The following NBAS variants were observed in gnomAD, a reference collection of about 807,000 sequenced individuals.
The protein encoded by NBAS is NBAS subunit of NRZ tethering complex, also known as NAG/BC035112 fusion.
NBAS carries 219 observed loss-of-function variants against 302.5 expected under a neutral mutation model. The ratio of observed to expected loss-of-function variants is 0.72; its 90% CI spans 0.65 to 0.81. The LOEUF (loss-of-function observed/expected upper bound fraction) is 0.81. Ranked by LOEUF, NBAS falls within the 30% of genes least tolerant of loss-of-function variation. NBAS has a pLI of 0.00. For missense variants in NBAS, 2,932 were observed against 2,841.6 expected (o/e 1.03, Z -0.72); for synonymous variants, 1,118 against 1,021.6 (o/e 1.09, Z -1.80).
chr2:14,819,915 C>T, the NBAS span, among the ~76,000 whole-genome samples: 1 of 152,180 alleles, frequency 6.6e-6, no homozygotes, highest in African/African-American at 2.4e-5. Flanking sequence ...TGAAAAGGTC[C>T]TCAACATCAT....
At position 15,396,424 on chromosome 2, in the gene NBAS, T is replaced by C; in HGVS notation, c.3123A>G (p.Glu1041=). 1 of 1,607,104 alleles carries C rather than the reference T, an allele frequency of 6.2e-7. No homozygotes were observed. The highest frequency in any genetic ancestry group is 8.5e-7 in the Non-Finnish European group (1 of 1,176,996). Residue 1041 remains glutamate (E), a synonymous_variant, in exon 27 of 52, where the codon GAA becomes GAG. Coordinates refer to ENST00000281513, the MANE Select transcript of NBAS (RefSeq NM_015909.4). ...TKLHDMVDQL[E]QILSVSELLE... ...GTCATTTTTCTCACCTGAGAATTTG[T>C]TCCAGTTGGTCTACCATGTCATGAA...
the NBAS span, among the ~76,000 whole-genome samples, chr2:15,008,243 G>A: frequency 6.6e-6 from 1 of 152,200 alleles, no homozygotes; most frequent in Non-Finnish European, 1.5e-5. Context: ...TACTCCCTGG[G>A]TTCCTTAGTC....
chr2:15,098,336 A>G, the NBAS span, among the ~76,000 whole-genome samples: 18 of 39,284 alleles, frequency 4.6e-4, 2 homozygotes, highest in South Asian at 2.5e-3. Flanking sequence ...GATATATTGT[A>G]TATAATATAT....
chr2:14,925,174 G>A, the NBAS span, among the ~76,000 whole-genome samples: 1 of 152,082 alleles, frequency 6.6e-6, no homozygotes, highest in African/African-American at 2.4e-5. Flanking sequence ...CACTACTATG[G>A]CACTTGCTAA....
intron 44 of NBAS, among the ~76,000 whole-genome samples, chr2:15,255,785 C>G (rs1207486079): frequency 6.6e-6 from 1 of 152,050 alleles, no homozygotes; most frequent in Non-Finnish European, 1.5e-5. Context: ...ATGAAGTATC[C>G]CAGCACCATT....
At position 15,297,260 on chromosome 2, in the gene NBAS, T is replaced by C. The variant is rs193160698; in HGVS notation, c.4798-4494A>G. On this transcript the variant is annotated intron_variant, in intron 40 of 51. Transcript: ENST00000281513. ...CATAATGCTTCCTAAGAACCATCCT[T>C]TTATATTCGGTATGTAGGGAGGGAT... is the stretch of plus-strand genomic sequence containing the variant. 7.9e-5 allele frequency among the ~76,000 whole-genome samples: 12 copies of C among 152,286 alleles called. No homozygotes were observed. The South Asian group carries it at 1.5e-3, about 18-fold the overall frequency.
intron 35 of NBAS, among the ~76,000 whole-genome samples, chr2:15,334,276 G>C (rs1168915149): frequency 6.6e-6 from 1 of 151,182 alleles, no homozygotes. Context: ...TGCAATCTCC[G>C]CCTCCCAGGT....
chr2:15,053,832 C>T, the NBAS span, among the ~76,000 whole-genome samples: 2 of 151,730 alleles, frequency 1.3e-5, no homozygotes, highest in South Asian at 2.1e-4. Flanking sequence ...CCTCAAGACA[C>T]GTTAGAGAAG....
the NBAS span, among the ~76,000 whole-genome samples, chr2:15,056,472 G>A: frequency 6.6e-6 from 1 of 152,170 alleles, no homozygotes; most frequent in Middle Eastern, 3.2e-3. Context: ...AGTTAAAGAG[G>A]AAATGTGGAC....
chr2:15,262,977 C>A (rs981013808), intron 44 of NBAS, among the ~76,000 whole-genome samples: 6 of 152,210 alleles, frequency 3.9e-5, no homozygotes, highest in African/African-American at 1.4e-4. Context: ...AGGTAGCACA[C>A]ATGCCCACAT....
intron 27 of NBAS, among the ~76,000 whole-genome samples, chr2:15,395,542 A>C (rs1675826653): frequency 6.6e-6 from 1 of 152,160 alleles, no homozygotes; most frequent in African/African-American, 2.4e-5. Flanking sequence ...CTGAAGAGTT[A>C]ATTCTCTATT....
At chr2:14,987,792 T>C in the NBAS span, among the ~76,000 whole-genome samples, 1 of 152,144 alleles carries the variant, frequency 6.6e-6, no homozygotes, top group African/African-American at 2.4e-5. Flanking sequence ...AAAAATTCAA[T>C]TCACCCAAAT....
Position 15,379,738 on chromosome 2 carries a change from G to A in NBAS, c.3454C>T (p.Pro1152Ser). The change falls in exon 30 of 52, where the codon CCA becomes TCA. Residue 1152 changes from proline to serine, a missense_variant. Transcript: ENST00000281513. ...TTCCCTTTATGGGCTATACCAGCTG[G>A]AGGATTTTCTGAACAAGCACTGCAG... ...MHCSACSENP[P>S]AGIAHKGKPH... 6.2e-7 allele frequency: 1 copy of A among 1,614,040 alleles called. No individual in the cohort carries two copies. Among genetic ancestry groups the A allele is most frequent in the Non-Finnish European group, 8.5e-7 (1 of 1,179,998 alleles).
chr2:15,513,381 T>C (rs918289155), intron 9 of NBAS, among the ~76,000 whole-genome samples: 2 of 152,174 alleles, frequency 1.3e-5, no homozygotes, highest in Non-Finnish European at 2.9e-5. Flanking sequence ...GTATTATGAG[T>C]ATTACTTGCC....
rs1195069088 is a variant in NBAS, at chr2:15,238,642, C to T, written c.5769G>A (p.Lys1923=). Residue 1923 remains lysine (K), a synonymous_variant, in exon 45 of 52, where the codon AAG becomes AAA. Coordinates refer to ENST00000281513, the MANE Select transcript of NBAS (RefSeq NM_015909.4). Reference sequence around the variant, plus strand: ...GCTTCTCAATAAAATGTTTGACTGTCTTAATAGCCTTTCTAGTCATCTCTT... The same window carrying T: ...GCTTCTCAATAAAATGTTTGACTGTTTTAATAGCCTTTCTAGTCATCTCTT... ...ARKEMTRKAI[K]TVKHFIEKPR... The T allele has an allele frequency of 6.2e-7, 1 of 1,613,216 alleles. No individual in the cohort carries two copies. Among genetic ancestry groups the T allele is most frequent in the East Asian group, 2.2e-5 (1 of 44,830 alleles).
the NBAS span, among the ~76,000 whole-genome samples, chr2:14,928,272 A>AAC: frequency 6.6e-6 from 1 of 152,236 alleles, no homozygotes; most frequent in Non-Finnish European, 1.5e-5. Context: ...AAGCCTAGTG[A>AAC]ACACAGCATG....
At chr2:15,143,057 T>C in the NBAS span, among the ~76,000 whole-genome samples, 1 of 152,188 alleles carries the variant, frequency 6.6e-6, no homozygotes, top group African/African-American at 2.4e-5. Context: ...CGTTGAAATA[T>C]GTACTTGGTT....
chr2:15,486,508 T>C (rs1442322318), intron 12 of NBAS, among the ~76,000 whole-genome samples: 1 of 152,116 alleles, frequency 6.6e-6, no homozygotes, highest in Non-Finnish European at 1.5e-5. Context: ...GCTACACAAT[T>C]CCTCATGAAT....
At chr2:15,144,617 T>C in the NBAS span, among the ~76,000 whole-genome samples, 1 of 152,112 alleles carries the variant, frequency 6.6e-6, no homozygotes, top group Non-Finnish European at 1.5e-5. Flanking sequence ...CTGGCCACTT[T>C]TTATCGAACA....
Sources: gnomAD v4.1 joint callset for allele counts (sites outside exome capture counted in the v4.1 genomes callset) on GRCh38, gnomAD v4.1.1 for gene constraint, MANE v1.5 for transcripts, NCBI Gene and HGNC (gene_info 2026-07-23, HGNC 2026-07-21) for gene names.